KRTAP9-9: variants seen among roughly 807,000 people sequenced by gnomAD.
The protein encoded by KRTAP9-9 is keratin associated protein 9-9.
KRTAP9-9 carries 12 observed loss-of-function variants against 13.7 expected under a neutral mutation model. The observed-to-expected ratio is 0.88, with a 90% CI of 0.56 to 1.42. KRTAP9-9 has a LOEUF of 1.42. Ranked by LOEUF, KRTAP9-9 falls within the 40% of genes most tolerant of loss-of-function variation. The probability of loss-of-function intolerance (pLI) is 0.00; values close to 1 mark genes in which losing one functional copy is unlikely to be tolerated. For synonymous variants in KRTAP9-9, 81 were observed against 78.1 expected, an observed-to-expected ratio of 1.04 and a Z score of -0.19; for missense variants, 194 against 206.5, an observed-to-expected ratio of 0.94 and a Z score of 0.37.
chr17:41,256,061 A>C, exon 1 of KRTAP9-9: 1 of 1,307,818 alleles, frequency 7.6e-7, no homozygotes, highest in Non-Finnish European at 1.1e-6. Flanking sequence ...GAGGGAGGGC[A>C]GAATACTTCA....
exon 1 of KRTAP9-9, chr17:41,255,555 G>A: frequency 6.2e-7 from 1 of 1,613,844 alleles, no homozygotes. Flanking sequence ...AACACCTGCT[G>A]CAGGACCACC....
chr17:41,255,987 C>A, exon 1 of KRTAP9-9: 1 of 1,547,268 alleles, frequency 6.5e-7, no homozygotes, highest in Non-Finnish European at 8.7e-7. Flanking sequence ...CTGCTGACAG[C>A]AACCATGTTC....
At position 41,255,926 on chromosome 17, in the gene KRTAP9-9, C is replaced by T. The variant is rs774558599; in HGVS notation, c.*31C>T. On this transcript the variant is annotated 3_prime_UTR_variant, in exon 1 of 1. Coordinates refer to ENST00000394008, the Ensembl canonical transcript of KRTAP9-9. Reference sequence around the variant, plus strand: ...TCCCAAGAGAACAACCATCTTCACACAACAACCTTCTGCTCAACTGACTTA... The same window carrying T: ...TCCCAAGAGAACAACCATCTTCACATAACAACCTTCTGCTCAACTGACTTA... 17 of 1,609,476 alleles carry T rather than the reference C, an allele frequency of 1.1e-5. No individual in the cohort carries two copies. The South Asian group carries it at 1.4e-4, about 14-fold the overall frequency.
exon 1 of KRTAP9-9, chr17:41,255,912 C>G (rs756306819): frequency 6.2e-7 from 1 of 1,612,786 alleles, no homozygotes; most frequent in East Asian, 2.2e-5. Context: ...CCCAAGAGAA[C>G]AACCATCTTC....
Position 41,255,979 on chromosome 17 carries a change from G to A in KRTAP9-9, c.*84G>A, listed in dbSNP as rs2016317200. The A allele has an allele frequency of 1.9e-6, 3 of 1,568,726 alleles. No homozygotes were observed. In the East Asian group the frequency reaches 6.7e-5, roughly 35 times the overall value. On this transcript the variant is annotated 3_prime_UTR_variant, in exon 1 of 1. Transcript: ENST00000394008. ...TTTTGGAGGACTAATTTACCTTACT[G>A]CTGACAGCAACCATGTTCTCACCCA...
chr17:41,255,857 A>C, exon 1 of KRTAP9-9: 2 of 1,613,158 alleles, frequency 1.2e-6, no homozygotes, highest in Middle Eastern at 1.7e-4. Flanking sequence ...CTTCCAGCCC[A>C]CCTGTGTGTC....
chr17:41,255,546 A>T, exon 1 of KRTAP9-9: 1 of 1,607,082 alleles, frequency 6.2e-7, no homozygotes, highest in Non-Finnish European at 8.5e-7. Flanking sequence ...TGCTGTCAAA[A>T]CACCTGCTGC....
At chr17:41,256,177 C>CCTG in exon 1 of KRTAP9-9, 1 of 588,058 alleles carries the variant, frequency 1.7e-6, no homozygotes, top group Non-Finnish European at 3.0e-6. Context: ...GAGCTTCATT[C>CCTG]TCTTCACTTA....
exon 1 of KRTAP9-9, chr17:41,255,682 C>T: frequency 1.2e-6 from 2 of 1,613,906 alleles, no homozygotes; most frequent in South Asian, 2.2e-5. Context: ...GTGGGTCCAG[C>T]TGTGGCCAGA....
exon 1 of KRTAP9-9, chr17:41,255,976 A>C (rs1316168473): frequency 7.7e-6 from 12 of 1,566,498 alleles, no homozygotes; most frequent in Non-Finnish European, 1.0e-5. Flanking sequence ...AATTTACCTT[A>C]CTGCTGACAG....
exon 1 of KRTAP9-9, chr17:41,255,861 G>C: frequency 6.2e-7 from 1 of 1,613,602 alleles, no homozygotes; most frequent in African/African-American, 1.3e-5. Flanking sequence ...CAGCCCACCT[G>C]TGTGTCCAGC....
chr17:41,255,539 T>A, exon 1 of KRTAP9-9: 1 of 1,613,278 alleles, frequency 6.2e-7, no homozygotes, highest in Non-Finnish European at 8.5e-7. Flanking sequence ...CCCAGCTTGC[T>A]GTCAAAACAC....
At chr17:41,256,249 C>A (rs914269993) in exon 1 of KRTAP9-9, 1 of 386,306 alleles carries the variant, frequency 2.6e-6, no homozygotes, top group Non-Finnish European at 4.8e-6. Flanking sequence ...TTTCAATATA[C>A]TCATGATTCT....
chr17:41,255,675 G>T, exon 1 of KRTAP9-9: 1 of 1,612,996 alleles, frequency 6.2e-7, no homozygotes, highest in Non-Finnish European at 8.5e-7. Flanking sequence ...ACCAGCTGTG[G>T]GTCCAGCTGT....
chr17:41,256,006 A>T (rs2016317909), exon 1 of KRTAP9-9: 1 of 1,528,550 alleles, frequency 6.5e-7, no homozygotes, highest in Non-Finnish European at 8.8e-7. Flanking sequence ...TCTCACCCAA[A>T]TTTTTATGAA....
chr17:41,255,584 C>G lies in KRTAP9-9; in HGVS notation c.199C>G (p.Leu67Val), dbSNP rs201738227. 4.4e-3 allele frequency: 7,164 copies of G among 1,610,910 alleles called. 25 individuals are homozygous for G. The highest frequency in any genetic ancestry group is 9.1e-3 in the African/African-American group (672 of 73,920). The change falls in exon 1 of 1, where the codon CTG (leucine) becomes GTG (valine). Residue 67 changes from leucine (L) to valine (V), a missense_variant. Transcript: ENST00000394008. ...GACCACCTGCTGCCAGCCCACCTGT[C>G]TGACCAGCTGCTGCCAGCCTTCCTG...
At chr17:41,256,012 A>G in exon 1 of KRTAP9-9, 1 of 1,526,232 alleles carries the variant, frequency 6.6e-7, no homozygotes. Flanking sequence ...CCAAATTTTT[A>G]TGAATTCTCT....
In KRTAP9-9 at chr17:41,255,790, C is replaced by T. The variant is rs1430416058; in HGVS notation, c.405C>T (p.Cys135=). 7 of 1,613,634 alleles carry T rather than the reference C, an allele frequency of 4.3e-6. No individual in the cohort carries two copies. In the African/African-American group the frequency reaches 8.0e-5, roughly 18 times the overall value. The change falls in exon 1 of 1, where the codon TGC becomes TGT. Residue 135 remains cysteine (C), a synonymous_variant. Transcript: ENST00000394008. Reference sequence around the variant, plus strand: ...TCAACCAGAGCTGTGGATCCAGCTGCTGCCAGCCCTGCTGCCGCCCCGCCT... The same window carrying T: ...TCAACCAGAGCTGTGGATCCAGCTGTTGCCAGCCCTGCTGCCGCCCCGCCT...
chr17:41,255,768 A>G (rs949878008), exon 1 of KRTAP9-9: 2 of 1,602,314 alleles, frequency 1.2e-6, no homozygotes, highest in Non-Finnish European at 1.7e-6. Context: ...GGTTGCCTCA[A>G]CCAGAGCTGT....
Sources: allele counts gnomAD v4.1 joint callset, GRCh38; gene constraint gnomAD v4.1.1; transcripts MANE v1.5; gene names NCBI Gene and HGNC (gene_info 2026-07-23, HGNC 2026-07-21).